LRRFIP1: variants seen among roughly 807,000 people sequenced by gnomAD.
LRRFIP1 encodes LRR binding FLII interacting protein 1.
A neutral mutation model predicts 104.4 loss-of-function variants in LRRFIP1; 62 were observed. The observed-to-expected ratio is 0.59, with a 90% CI of 0.48 to 0.73. The LOEUF (loss-of-function observed/expected upper bound fraction) is 0.73, where lower values mean the gene tolerates loss of function less well. Ranked by LOEUF, LRRFIP1 falls within the 30% of genes least tolerant of loss-of-function variation. The pLI is 0.00. For missense variants in LRRFIP1, 796 were observed against 824.5 expected (o/e 0.97, Z 0.42); for synonymous variants, 300 against 299.0 (o/e 1.00, Z -0.03).
At chr2:237,763,808 G>C in intron 19 of LRRFIP1, 1 of 1,614,122 alleles carries the variant, frequency 6.2e-7, no homozygotes, top group Non-Finnish European at 8.5e-7. Context: ...ATTAGATGAA[G>C]GTGTTGCAAA....
chr2:237,736,056 A>G (rs1224387261), intron 10 of LRRFIP1, among the ~76,000 whole-genome samples: 1 of 152,192 alleles, frequency 6.6e-6, no homozygotes, highest in Non-Finnish European at 1.5e-5. Context: ...ACTAAGAAAT[A>G]CTTGAAATGC....
intron 6 of LRRFIP1, chr2:237,721,892 A>G (rs1429333656): frequency 6.6e-6 from 1 of 152,238 alleles, no homozygotes; most frequent in Non-Finnish European, 1.5e-5. Flanking sequence ...TTCTCCTGAG[A>G]TGTAGCCTCA....
At chr2:237,669,720 G>C (rs1226539815) in intron 1 of LRRFIP1, among the ~76,000 whole-genome samples, 1 of 152,132 alleles carries the variant, frequency 6.6e-6, no homozygotes, top group African/African-American at 2.4e-5. Flanking sequence ...GAACCACAGT[G>C]ATGCCTCCAC....
chr2:237,669,404 G>A (rs774949274), intron 1 of LRRFIP1, among the ~76,000 whole-genome samples: 2 of 152,194 alleles, frequency 1.3e-5, no homozygotes, highest in Admixed American at 1.3e-4. Context: ...CTAAAAACTG[G>A]CAGCTAACTG....
At chr2:237,647,540 G>A (rs544087259) in intron 1 of LRRFIP1, among the ~76,000 whole-genome samples, 2 of 152,206 alleles carry the variant, frequency 1.3e-5, no homozygotes, top group East Asian at 1.9e-4. Flanking sequence ...CAGCAGGGTT[G>A]AGGGAGCAGA....
rs1205274356 is a variant in LRRFIP1 at position 237,735,332 on chromosome 2, C to G, written c.554C>G (p.Ala185Gly). The part of the protein sequence containing the change: ...TRRGSTSGSR[A>G]PSEYSGHLNS... ...CGGGGCAGCACCTCCGGCTCCCGTG[C>G]TGTAAGGCGCTTTCGGTGATACCTC... The change falls in exon 10 of 24, where the codon GCT (alanine) becomes GGT (glycine). Residue 185 changes from alanine (A) to glycine (G), a missense_variant and splice_region_variant. Ala to Gly is a moderately conservative substitution (Grantham distance 60, BLOSUM62 0). Coordinates refer to ENST00000308482, the MANE Select transcript of LRRFIP1 (RefSeq NM_001137550.2). The surrounding 1 kb of genome is among the most constrained non-coding windows in gnomAD (Gnocchi z 4.6). The G allele has an allele frequency of 2.5e-6, 4 of 1,612,810 alleles. No individual in the cohort carries two copies.
At chr2:237,678,814 A>C (rs2091475085) in intron 1 of LRRFIP1, among the ~76,000 whole-genome samples, 1 of 152,000 alleles carries the variant, frequency 6.6e-6, no homozygotes, top group Non-Finnish European at 1.5e-5. Context: ...CGCCCCTCAA[A>C]CTATTTTGTA....
chr2:237,760,618 C>T (rs1236938068), intron 19 of LRRFIP1, among the ~76,000 whole-genome samples: 1 of 152,204 alleles, frequency 6.6e-6, no homozygotes, highest in African/African-American at 2.4e-5. Context: ...ATGGTTGAGG[C>T]CGTCAAGTCA....
At chr2:237,734,994 C>T (rs1039699486) in intron 9 of LRRFIP1, among the ~76,000 whole-genome samples, 1 of 152,122 alleles carries the variant, frequency 6.6e-6, no homozygotes, top group African/African-American at 2.4e-5. Flanking sequence ...TCACTTAGGC[C>T]TGGGATGTTT....
At chr2:237,652,090 G>A (rs745648947) in intron 1 of LRRFIP1, among the ~76,000 whole-genome samples, 17 of 152,178 alleles carry the variant, frequency 1.1e-4, no homozygotes, top group Admixed American at 3.9e-4. Flanking sequence ...TGGTGACGGC[G>A]GATCTTTCCA....
intron 1 of LRRFIP1, among the ~76,000 whole-genome samples, chr2:237,653,751 T>C (rs1055428261): frequency 6.6e-6 from 1 of 152,166 alleles, no homozygotes; most frequent in Non-Finnish European, 1.5e-5. Context: ...GATCACACTA[T>C]GGGGAAAGGA....
chr2:237,659,669 G>C (rs2087490009), intron 1 of LRRFIP1, among the ~76,000 whole-genome samples: 1 of 150,388 alleles, frequency 6.6e-6, no homozygotes, highest in Admixed American at 6.6e-5. Context: ...TAGAGACAGA[G>C]TCTTGCTCTG....
chr2:237,659,086 T>C (rs1221300183), intron 1 of LRRFIP1, among the ~76,000 whole-genome samples: 1 of 151,974 alleles, frequency 6.6e-6, no homozygotes, highest in Non-Finnish European at 1.5e-5. Context: ...TAAGTTATTA[T>C]TATTATTATT....
intron 1 of LRRFIP1, among the ~76,000 whole-genome samples, chr2:237,698,601 C>T (rs957035037): frequency 2.0e-5 from 3 of 152,220 alleles, no homozygotes; most frequent in Non-Finnish European, 2.9e-5. Flanking sequence ...TGAAGGTGGC[C>T]GTCTTACCGT....
chr2:237,711,136 T>C lies in LRRFIP1; in HGVS notation c.183+2506T>C, dbSNP rs559542930. ...CAGATGGGAAACCAAGTCTTGGGCA[T>C]TTAATTTTAGTATCATGAAAAAGGG... On this transcript the variant is annotated intron_variant, in intron 2 of 23. Coordinates refer to ENST00000308482, the MANE Select transcript of LRRFIP1 (RefSeq NM_001137550.2). This position sits in a 1 kb window ranked among gnomAD's most constrained non-coding sequence, Gnocchi z 4.4. Among the ~76,000 whole-genome samples the C allele has an allele frequency of 1.3e-5, 2 of 152,310 alleles. No individual in the cohort carries two copies. The highest frequency in any genetic ancestry group is 1.3e-4 in the Admixed American group (2 of 15,306).
At position 237,703,915 on chromosome 2, in the gene LRRFIP1, A is replaced by T. The variant is rs1039597374; in HGVS notation, c.97-4629A>T. On this transcript the variant is annotated intron_variant, in intron 1 of 23. Transcript: ENST00000308482. This position sits in a 1 kb window ranked among gnomAD's most constrained non-coding sequence, Gnocchi z 4.3. ...GGCCGTGTTCAGAAGCTCTTCAAGCAGTCTGACGTGGCTGTGGCCCGTCAT... is the reference window on the plus strand; with the variant it reads ...GGCCGTGTTCAGAAGCTCTTCAAGCTGTCTGACGTGGCTGTGGCCCGTCAT... Among the ~76,000 whole-genome samples the T allele has an allele frequency of 6.6e-6, 1 of 152,172 alleles. No homozygotes were observed. The highest frequency in any genetic ancestry group is 2.4e-5 in the African/African-American group (1 of 41,440).
intron 13 of LRRFIP1, among the ~76,000 whole-genome samples, chr2:237,750,864 A>G (rs79683907): frequency 0.032 from 4,904 of 152,282 alleles, 268 homozygotes; most frequent in African/African-American, 0.11. Flanking sequence ...TGTACATTGC[A>G]CAGAGTAGGA....
chr2:237,684,626 G>A (rs1263535020), intron 1 of LRRFIP1, among the ~76,000 whole-genome samples: 1 of 152,160 alleles, frequency 6.6e-6, no homozygotes, highest in African/African-American at 2.4e-5. Context: ...CATTTTAAAT[G>A]AACTATTCTG....
At chr2:237,669,083 C>T (rs930456167) in intron 1 of LRRFIP1, among the ~76,000 whole-genome samples, 2 of 152,140 alleles carry the variant, frequency 1.3e-5, no homozygotes, top group Non-Finnish European at 2.9e-5. Context: ...CAAAATATGG[C>T]TTTGAGGATG....
Sources: allele counts gnomAD v4.1 joint callset (sites outside exome capture counted in the v4.1 genomes callset), GRCh38; gene constraint gnomAD v4.1.1; non-coding constraint Gnocchi (gnomAD v3.1); transcripts MANE v1.5; gene names NCBI Gene and HGNC (gene_info 2026-07-23, HGNC 2026-07-21).